Variants in ARK2N observed in about 807,000 individuals in gnomAD.
ARK2N encodes arkadia (RNF111) N-terminal like PKA signaling regulator 2N.
the ARK2N span, among the ~76,000 whole-genome samples, chr18:46,251,101 AT>A: frequency 6.6e-6 from 1 of 152,376 alleles, no homozygotes; most frequent in East Asian, 1.9e-4. Flanking sequence ...GCAAGTATTT[AT>A]TGTAGGTACA....
the ARK2N span, chr18:46,264,695 A>C: frequency 0.62 from 93,159 of 150,530 alleles, 31,172 homozygotes; most frequent in Non-Finnish European, 0.75. Context: ...GCCTGCCTCC[A>C]CCTGCCCAGC....
chr18:46,222,878 T>A, the ARK2N span, among the ~76,000 whole-genome samples: 1 of 152,226 alleles, frequency 6.6e-6, no homozygotes, highest in African/African-American at 2.4e-5. Context: ...CACATCATTA[T>A]CACCCAAAGT....
chr18:46,203,689 G>A, the ARK2N span, among the ~76,000 whole-genome samples: 2,654 of 152,236 alleles, frequency 0.017, 72 homozygotes, highest in African/African-American at 0.06. Flanking sequence ...CCAGGTTCAA[G>A]TGATTCTTGT....
At chr18:46,240,117 T>C in the ARK2N span, 1 of 1,614,240 alleles carries the variant, frequency 6.2e-7, no homozygotes, top group Non-Finnish European at 8.5e-7. Flanking sequence ...ACAGTAATTC[T>C]GTAGGCGGCC....
At chr18:46,214,034 T>C in the ARK2N span, among the ~76,000 whole-genome samples, 2 of 152,264 alleles carry the variant, frequency 1.3e-5, no homozygotes, top group East Asian at 3.9e-4. Context: ...TCAGTGGCCA[T>C]GAATGTTCTG....
chr18:46,254,334 A>T, the ARK2N span, among the ~76,000 whole-genome samples: 1 of 152,222 alleles, frequency 6.6e-6, no homozygotes, highest in African/African-American at 2.4e-5. Context: ...AGTAATGCTC[A>T]TATAACTAAG....
the ARK2N span, among the ~76,000 whole-genome samples, chr18:46,188,060 A>T: frequency 4.6e-5 from 7 of 152,248 alleles, no homozygotes; most frequent in African/African-American, 1.4e-4. Context: ...ACAGTATGGA[A>T]GTTTTTTGTA....
the ARK2N span, chr18:46,240,205 C>T: frequency 6.2e-7 from 1 of 1,613,552 alleles, no homozygotes; most frequent in Non-Finnish European, 8.5e-7. Context: ...TTCCCCATCC[C>T]CCTTCTCTAA....
chr18:46,181,218 C>G, the ARK2N span, among the ~76,000 whole-genome samples: 3 of 152,090 alleles, frequency 2.0e-5, no homozygotes, highest in African/African-American at 7.2e-5. Context: ...AGGGATCATG[C>G]CATTGCACTC....
At chr18:46,252,668 A>G in the ARK2N span, among the ~76,000 whole-genome samples, 2 of 152,220 alleles carry the variant, frequency 1.3e-5, no homozygotes, top group African/African-American at 4.8e-5. Context: ...ATTTAAATAA[A>G]AATACCCTTT....
the ARK2N span, among the ~76,000 whole-genome samples, chr18:46,219,765 G>A: frequency 2.0e-5 from 3 of 151,960 alleles, no homozygotes; most frequent in South Asian, 4.1e-4. Flanking sequence ...CACCACGCCC[G>A]GCCATTATCA....
At chr18:46,221,816 G>A in the ARK2N span, among the ~76,000 whole-genome samples, 1 of 152,118 alleles carries the variant, frequency 6.6e-6, no homozygotes, top group Admixed American at 6.5e-5. Flanking sequence ...AATCCATGAA[G>A]CGCAGTAATT....
chr18:46,185,190 A>G, the ARK2N span, among the ~76,000 whole-genome samples: 1 of 152,234 alleles, frequency 6.6e-6, no homozygotes, highest in East Asian at 1.9e-4. Context: ...ATTATGTGTT[A>G]GGAACTGTGA....
At chr18:46,188,538 G>A in the ARK2N span, among the ~76,000 whole-genome samples, 1 of 152,102 alleles carries the variant, frequency 6.6e-6, no homozygotes, top group East Asian at 1.9e-4. Context: ...TAGGGACGAG[G>A]TCTCACTATG....
chr18:46,189,659 G>C, the ARK2N span, among the ~76,000 whole-genome samples: 1 of 151,316 alleles, frequency 6.6e-6, no homozygotes, highest in Non-Finnish European at 1.5e-5. Flanking sequence ...GACCAGGGAG[G>C]GTAGAGTTTG....
the ARK2N span, among the ~76,000 whole-genome samples, chr18:46,187,470 T>C: frequency 6.6e-6 from 1 of 151,314 alleles, no homozygotes; most frequent in Non-Finnish European, 1.5e-5. Context: ...GCCTCCCGAG[T>C]AGCTGAGATT....
At chr18:46,176,334 C>T in the ARK2N span, among the ~76,000 whole-genome samples, 2 of 152,132 alleles carry the variant, frequency 1.3e-5, no homozygotes, top group Non-Finnish European at 2.9e-5. Context: ...TTTGGTAAAT[C>T]ATCTTAGATC....
chr18:46,209,235 C>G, the ARK2N span, among the ~76,000 whole-genome samples: 1 of 151,228 alleles, frequency 6.6e-6, no homozygotes, highest in African/African-American at 2.4e-5. Flanking sequence ...TTATTGTACT[C>G]AGCAGTTTTA....
At chr18:46,233,606 C>T in the ARK2N span, among the ~76,000 whole-genome samples, 1 of 152,082 alleles carries the variant, frequency 6.6e-6, no homozygotes, top group Non-Finnish European at 1.5e-5. Flanking sequence ...TCAGCTTTTC[C>T]ATTACTCTGA....
Sources: gnomAD v4.1 joint callset for allele counts (sites outside exome capture counted in the v4.1 genomes callset) on GRCh38, gnomAD v4.1.1 for gene constraint, MANE v1.5 for transcripts, NCBI Gene and HGNC (gene_info 2026-07-23, HGNC 2026-07-21) for gene names.